The following DROSHA variants were observed in gnomAD, a reference collection of about 807,000 sequenced individuals.
DROSHA encodes ribonuclease 3.
DROSHA carries 56 observed loss-of-function variants against 181.9 expected under a neutral mutation model. That is an observed-to-expected ratio of 0.31 (90% confidence interval 0.25 to 0.38). The LOEUF (loss-of-function observed/expected upper bound fraction) is 0.38, where lower values mean the gene tolerates loss of function less well. DROSHA is among the 10% of genes least tolerant of loss of function. DROSHA has a pLI of 1.00. For synonymous variants in DROSHA, 524 were observed against 591.2 expected (o/e 0.89, Z 1.65); for missense variants, 1,218 against 1,743.5 (o/e 0.70, Z 5.37).
rs957281700 is a variant in DROSHA, at chr5:31,448,139, T to C, written c.2882+408A>G. Among the ~76,000 whole-genome samples the C allele has an allele frequency of 2.0e-5, 3 of 152,224 alleles. No individual in the cohort carries two copies. In the South Asian group the frequency reaches 6.2e-4, roughly 31 times the overall value. ...TGATGAACAGATACATAAAATATGA[T>C]ATGCCCATATCATGGAATATTATTT... On this transcript the variant is annotated intron_variant, in intron 23 of 35. Coordinates refer to ENST00000344624, the MANE Select transcript of DROSHA (RefSeq NM_001382508.1).
At chr5:31,427,191 G>C (rs188034063) in intron 27 of DROSHA, among the ~76,000 whole-genome samples, 204 of 152,192 alleles carry the variant, frequency 1.3e-3, no homozygotes, top group Non-Finnish European at 2.3e-3. Flanking sequence ...GCCTGAGTCA[G>C]AGGTACTGGG....
intron 16 of DROSHA, among the ~76,000 whole-genome samples, chr5:31,481,984 C>T (rs1751080311): frequency 1.3e-5 from 2 of 152,150 alleles, no homozygotes; most frequent in Admixed American, 1.3e-4. Flanking sequence ...TGTGAATGGA[C>T]AAGGGCACTG....
chr5:31,507,348 T>G (rs1274608487), intron 10 of DROSHA, among the ~76,000 whole-genome samples: 2 of 151,078 alleles, frequency 1.3e-5, no homozygotes, highest in Non-Finnish European at 2.9e-5. Flanking sequence ...TACTCCCAGC[T>G]ACTCAGGAGG....
chr5:31,525,000 GC>G (rs1321779484), intron 5 of DROSHA, among the ~76,000 whole-genome samples: 1 of 151,988 alleles, frequency 6.6e-6, no homozygotes, highest in Non-Finnish European at 1.5e-5. Flanking sequence ...GTCAAGACCA[GC>G]CTGGCCAACA....
rs903435486 is a variant in DROSHA, at chr5:31,401,640, TATACAC to T, written c.3995-84_3995-79del. ...GTGCAAAGAATAATGCAACTAAACA[TATACAC>T]ATACAAATATACGTGCATATGAAAT... On this transcript the variant is annotated intron_variant, in intron 35 of 35. Transcript: ENST00000344624. 5.3e-6 allele frequency: 5 copies of T among 936,468 alleles called. No individual in the cohort carries two copies. In the South Asian group the frequency reaches 2.1e-4, roughly 39 times the overall value. The allele number at this position is 936,468 out of a possible 1,614,324, so 58.0% of individuals were successfully genotyped here. A position where few individuals can be genotyped will look rare whatever the true frequency, so the allele number is the denominator to read the frequency against.
At position 31,515,540 on chromosome 5, in the gene DROSHA, AG is replaced by A. The variant is rs1213248267; in HGVS notation, c.971del (p.Pro324LeufsTer28). The A allele has an allele frequency of 9.7e-6, 15 of 1,550,268 alleles. No homozygotes were observed. Among genetic ancestry groups the A allele is most frequent in the Non-Finnish European group, 1.2e-5 (14 of 1,145,750 alleles). ...ATTCTGGTGTGCATCCAGCAGGTTC[AG>A]GAACAACCGATAAACCGTAACTCCT... ...SGRSYGLSVV[P>X]EPAGCTPELP... On this transcript the variant is annotated frameshift_variant, in exon 7 of 36. Coordinates refer to ENST00000344624, the MANE Select transcript of DROSHA (RefSeq NM_001382508.1). LOFTEE classifies it high-confidence loss of function.
intron 20 of DROSHA, among the ~76,000 whole-genome samples, chr5:31,459,310 T>A (rs1489726323): frequency 6.6e-6 from 1 of 151,838 alleles, no homozygotes; most frequent in Non-Finnish European, 1.5e-5. Context: ...GGAGGGTTGC[T>A]TAAGCCCAGG....
chr5:31,522,730 G>T (rs1177051479), intron 5 of DROSHA, among the ~76,000 whole-genome samples: 1 of 152,206 alleles, frequency 6.6e-6, no homozygotes, highest in African/African-American at 2.4e-5. Flanking sequence ...TCAGCCATGA[G>T]AATTCTTGCG....
At chr5:31,445,456 G>C (rs1746135959) in intron 23 of DROSHA, among the ~76,000 whole-genome samples, 3 of 152,190 alleles carry the variant, frequency 2.0e-5, no homozygotes, top group Admixed American at 2.0e-4. Context: ...CGTTATATGA[G>C]GCCAGTATTA....
chr5:31,434,892 AAAC>A (rs1185781657), intron 25 of DROSHA, among the ~76,000 whole-genome samples: 1 of 152,238 alleles, frequency 6.6e-6, no homozygotes, highest in East Asian at 1.9e-4. Flanking sequence ...GCATCAATAA[AAAC>A]AGCCCCTACA....
intron 23 of DROSHA, among the ~76,000 whole-genome samples, chr5:31,445,388 G>A (rs1455181640): frequency 1.3e-5 from 2 of 152,138 alleles, no homozygotes; most frequent in Admixed American, 6.5e-5. Context: ...ATATGGGAAG[G>A]TATCTCATAA....
At chr5:31,417,721 C>A (rs1742120317) in intron 30 of DROSHA, among the ~76,000 whole-genome samples, 1 of 152,042 alleles carries the variant, frequency 6.6e-6, no homozygotes, top group Non-Finnish European at 1.5e-5. Context: ...CTGGGCCACT[C>A]CAATGTTAAG....
rs1212980073 is a variant in DROSHA, at chr5:31,514,416, G to A, written c.1290+572C>T. Among the ~76,000 whole-genome samples, 1 of 152,048 alleles carries A rather than the reference G, an allele frequency of 6.6e-6. No individual in the cohort carries two copies. Among genetic ancestry groups the A allele is most frequent in the Non-Finnish European group, 1.5e-5 (1 of 68,006 alleles). ...AGCACTTTGGGAGGCCAAGGCAGGAGGATTGCTTGAGCTCAGGAGTTCGAG... is the reference window on the plus strand; with the variant it reads ...AGCACTTTGGGAGGCCAAGGCAGGAAGATTGCTTGAGCTCAGGAGTTCGAG... On this transcript the variant is annotated intron_variant, in intron 8 of 35. Transcript: ENST00000344624. This position sits in a 1 kb window ranked among gnomAD's most constrained non-coding sequence, Gnocchi z 4.4.
chr5:31,405,998 T>TAAA (rs1740611800), intron 34 of DROSHA, among the ~76,000 whole-genome samples: 1 of 152,092 alleles, frequency 6.6e-6, no homozygotes, highest in Non-Finnish European at 1.5e-5. Context: ...GCCTTCCATT[T>TAAA]ATGTTAGGTC....
At chr5:31,500,240 A>G (rs1272060553) in intron 11 of DROSHA, among the ~76,000 whole-genome samples, 1 of 152,240 alleles carries the variant, frequency 6.6e-6, no homozygotes, top group Non-Finnish European at 1.5e-5. Flanking sequence ...AGGTGCTGGA[A>G]GGAAACAGAT....
chr5:31,521,141 T>C lies in DROSHA; in HGVS notation c.929A>G (p.Glu310Gly), dbSNP rs1739845208. ...TGCTTACCTTCCAGATCTCTTATACTCTTTTTTGTAGGACCTTTCCAGAGA... is the reference window on the plus strand; with the variant it reads ...TGCTTACCTTCCAGATCTCTTATACCCTTTTTTGTAGGACCTTTCCAGAGA... The part of the protein sequence containing the change: ...SPSLERSYKK[E>G]YKRSGRSYGL... The change falls in exon 6 of 36, where the codon GAG (glutamate) becomes GGG (glycine). Residue 310 changes from glutamate to glycine, a missense_variant. Coordinates refer to ENST00000344624, the MANE Select transcript of DROSHA (RefSeq NM_001382508.1). 1.9e-6 allele frequency: 3 copies of C among 1,613,708 alleles called. No homozygotes were observed. The highest frequency in any genetic ancestry group is 2.5e-6 in the Non-Finnish European group (3 of 1,179,664).
At chr5:31,429,426 T>C in intron 27 of DROSHA, 49 bp downstream of exon 27, 1 of 1,502,988 alleles carries the variant, frequency 6.7e-7, no homozygotes, top group Non-Finnish European at 9.1e-7. Flanking sequence ...AAATAAAATA[T>C]TCTGTAATAA....
intron 16 of DROSHA, among the ~76,000 whole-genome samples, chr5:31,480,478 G>A (rs959052507): frequency 6.6e-6 from 1 of 151,922 alleles, no homozygotes; most frequent in South Asian, 2.1e-4. Flanking sequence ...GTCCGAAGGG[G>A]GTTCTTGGAA....
Position 31,527,332 on chromosome 5 carries a change from C to G in DROSHA, c.21-420G>C, listed in dbSNP as rs549218644. 4.1e-4 allele frequency among the ~76,000 whole-genome samples: 62 copies of G among 152,300 alleles called. 1 individual carries two copies. Among genetic ancestry groups the G allele is most frequent in the Admixed American group, 1.6e-3 (25 of 15,300 alleles). On this transcript the variant is annotated intron_variant, in intron 4 of 35. Coordinates refer to ENST00000344624, the MANE Select transcript of DROSHA (RefSeq NM_001382508.1). ...ATGCAGATTTGGGATTACCACCCCC[C>G]CTCTGCAATCCTCCACCTCTCCCTG...
Sources: gnomAD v4.1 joint callset for allele counts (sites outside exome capture counted in the v4.1 genomes callset) on GRCh38, gnomAD v4.1.1 for gene constraint, Gnocchi (gnomAD v3.1) non-coding constraint, MANE v1.5 for transcripts, NCBI Gene and HGNC (gene_info 2026-07-23, HGNC 2026-07-21) for gene names.